TSG101: variants seen among roughly 807,000 people sequenced by gnomAD.
The protein encoded by TSG101 is tumor susceptibility gene 101 protein.
TSG101 carries 19 observed loss-of-function variants against 48.5 expected under a neutral mutation model. The ratio of observed to expected loss-of-function variants is 0.39; its 90% CI spans 0.27 to 0.58. The LOEUF (loss-of-function observed/expected upper bound fraction) is 0.58. Ranked by LOEUF, TSG101 falls within the 20% of genes least tolerant of loss-of-function variation. The pLI is 0.55. For synonymous variants in TSG101, 174 were observed against 169.4 expected (o/e 1.03, Z -0.21); for missense variants, 365 against 484.4 (o/e 0.75, Z 2.31).
intron 1 of TSG101, among the ~76,000 whole-genome samples, chr11:18,524,044 T>C: frequency 6.6e-6 from 1 of 151,994 alleles, no homozygotes; most frequent in East Asian, 1.9e-4. Flanking sequence ...CTCCCATCTC[T>C]ACCTCCCAAA....
Position 18,490,229 on chromosome 11 carries a change from A to C in TSG101, c.641-6157T>G, listed in dbSNP as rs572126200. 1.6e-5 allele frequency: 8 copies of C among 507,238 alleles called. No individual in the cohort carries two copies. In the East Asian group the frequency reaches 2.4e-4, roughly 15 times the overall value. 31.4% of individuals were successfully genotyped at this position (507,238 alleles called of 1,614,324 possible). A position where few individuals can be genotyped will look rare whatever the true frequency, so the allele number is the denominator to read the frequency against. ...ATTGAACAGATTACAAAGCACAAGA[A>C]ACATTACTTCTCTCCCTCCCCAGCA... On this transcript the variant is annotated intron_variant, in intron 7 of 9. Coordinates refer to ENST00000251968, the MANE Select transcript of TSG101 (RefSeq NM_006292.4).
intron 1 of TSG101, chr11:18,525,785 G>A (rs7931630): frequency 0.34 from 222,824 of 646,950 alleles, 40,038 homozygotes; most frequent in East Asian, 0.67. Flanking sequence ...TATTTTGAAA[G>A]CTGTCATTTT....
intron 4 of TSG101, among the ~76,000 whole-genome samples, chr11:18,512,555 T>C (rs540624027): frequency 6.6e-6 from 1 of 152,230 alleles, no homozygotes; most frequent in East Asian, 1.9e-4. Flanking sequence ...TGTCTTTTTT[T>C]CCTCTTGGTT....
At chr11:18,489,377 T>C (rs896672300) in intron 7 of TSG101, among the ~76,000 whole-genome samples, 3 of 152,090 alleles carry the variant, frequency 2.0e-5, no homozygotes, top group African/African-American at 7.2e-5. Flanking sequence ...TGGGACTATA[T>C]GCCTACACCA....
intron 1 of TSG101, among the ~76,000 whole-genome samples, chr11:18,524,172 G>A (rs965810619): frequency 1.3e-5 from 2 of 152,232 alleles, no homozygotes; most frequent in African/African-American, 4.8e-5. Context: ...ATAAGTGGCT[G>A]TATGTATGAA....
intron 1 of TSG101, among the ~76,000 whole-genome samples, chr11:18,520,354 T>C (rs948663568): frequency 2.6e-5 from 4 of 152,020 alleles, no homozygotes; most frequent in African/African-American, 9.7e-5. Context: ...CTCCCAAGTA[T>C]ACAGAACTAC....
chr11:18,499,400 A>T (rs58876868), intron 7 of TSG101, among the ~76,000 whole-genome samples: 2,325 of 6,708 alleles, frequency 0.35, 179 homozygotes, highest in Non-Finnish European at 0.41. Flanking sequence ...ATATATATAT[A>T]TATTTTTTTT....
chr11:18,521,510 A>T (rs1850274666), intron 1 of TSG101, among the ~76,000 whole-genome samples: 1 of 151,132 alleles, frequency 6.6e-6, no homozygotes, highest in Non-Finnish European at 1.5e-5. Flanking sequence ...CTGGGACTAC[A>T]GGCATGCACC....
chr11:18,523,905 T>G (rs1330753729), intron 1 of TSG101, among the ~76,000 whole-genome samples: 1 of 152,234 alleles, frequency 6.6e-6, no homozygotes, highest in Non-Finnish European at 1.5e-5. Context: ...ATCCTCCTGC[T>G]TCTGCTTCTC....
intron 4 of TSG101, among the ~76,000 whole-genome samples, chr11:18,512,242 TAAA>T (rs1212120595): frequency 1.3e-5 from 2 of 151,836 alleles, no homozygotes; most frequent in African/African-American, 4.8e-5. Context: ...CCATCTCTAC[TAAA>T]AAATACAAAA....
Position 18,519,618 on chromosome 11 carries a change from C to T in TSG101, c.43-15G>A, listed in dbSNP as rs757406470. The T allele has an allele frequency of 7.6e-6, 12 of 1,581,702 alleles. No homozygotes were observed. The highest frequency in any genetic ancestry group is 1.4e-5 in the African/African-American group (1 of 73,838). Reference sequence around the variant, plus strand: ...CTGTATTTGTACTGAAAAGCAAAATCGCATAAGAATTTAGTTTAAAACCAA... The same window carrying T: ...CTGTATTTGTACTGAAAAGCAAAATTGCATAAGAATTTAGTTTAAAACCAA... On this transcript the variant is annotated splice_polypyrimidine_tract_variant and intron_variant, in intron 1 of 9. Coordinates refer to ENST00000251968, the MANE Select transcript of TSG101 (RefSeq NM_006292.4).
chr11:18,523,829 T>G (rs970824633), intron 1 of TSG101, among the ~76,000 whole-genome samples: 1 of 152,186 alleles, frequency 6.6e-6, no homozygotes, highest in Non-Finnish European at 1.5e-5. Flanking sequence ...AAATGTTTAT[T>G]TTTTACTTTT....
chr11:18,503,574 A>G (rs1308032998), intron 6 of TSG101, among the ~76,000 whole-genome samples: 1 of 151,870 alleles, frequency 6.6e-6, no homozygotes, highest in Non-Finnish European at 1.5e-5. Flanking sequence ...GGGTTTCACC[A>G]TGTTAGCCAG....
chr11:18,502,375 T>C (rs1849902212), intron 7 of TSG101, 111 bp downstream of exon 7: 1 of 754,618 alleles, frequency 1.3e-6, no homozygotes, highest in South Asian at 2.1e-5. Flanking sequence ...TATTATAGGT[T>C]TTCCTCTAAG....
At chr11:18,508,225 T>C (rs568771668) in intron 5 of TSG101, among the ~76,000 whole-genome samples, 18 of 150,410 alleles carry the variant, frequency 1.2e-4, no homozygotes, top group Admixed American at 2.6e-4. Context: ...TGATATCTTT[T>C]TTTTTTTTTT....
chr11:18,514,231 GTTGT>G (rs1369865661), intron 4 of TSG101, among the ~76,000 whole-genome samples: 2 of 152,158 alleles, frequency 1.3e-5, no homozygotes, highest in Admixed American at 1.3e-4. Flanking sequence ...TCCAACAGGT[GTTGT>G]TTGTATTTTC....
At chr11:18,520,670 T>G (rs1850255432) in intron 1 of TSG101, among the ~76,000 whole-genome samples, 1 of 152,216 alleles carries the variant, frequency 6.6e-6, no homozygotes. Flanking sequence ...GTTAATTGTA[T>G]CCCTTTAGTA....
chr11:18,483,782 A>T, intron 8 of TSG101, 88 bp downstream of exon 8: 1 of 1,403,432 alleles, frequency 7.1e-7, no homozygotes, highest in Non-Finnish European at 9.9e-7. Flanking sequence ...AACTCCTACT[A>T]TGCCCACAAC....
At chr11:18,497,493 CAT>C (rs2133913781) in intron 7 of TSG101, among the ~76,000 whole-genome samples, 1 of 152,290 alleles carries the variant, frequency 6.6e-6, no homozygotes, top group East Asian at 1.9e-4. Flanking sequence ...TCTGATTCCA[CAT>C]ATACCATTTT....
Sources: gnomAD v4.1 joint callset for allele counts (sites outside exome capture counted in the v4.1 genomes callset) on GRCh38, gnomAD v4.1.1 for gene constraint, MANE v1.5 for transcripts, NCBI Gene and HGNC (gene_info 2026-07-23, HGNC 2026-07-21) for gene names.